Variants in MAB21L3 observed in about 807,000 individuals in gnomAD.
The protein encoded by MAB21L3 is protein mab-21-like 3.
A neutral mutation model predicts 37.7 loss-of-function variants in MAB21L3; 36 were observed. That is an observed-to-expected ratio of 0.96 (90% CI 0.73 to 1.26). The LOEUF is 1.26. MAB21L3 is among the 50% of genes most tolerant of loss of function. MAB21L3 has a pLI of 0.00. For synonymous variants in MAB21L3, 186 were observed against 176.8 expected, an observed-to-expected ratio of 1.05 and a Z score of -0.41; for missense variants, 430 against 447.3, an observed-to-expected ratio of 0.96 and a Z score of 0.35.
At chr1:116,112,762 C>A in intron 3 of MAB21L3, 99 bp downstream of exon 3, 1 of 1,148,708 alleles carries the variant, frequency 8.7e-7, no homozygotes, top group Non-Finnish European at 1.3e-6. Flanking sequence ...TTTCTAAAGA[C>A]ACATAAAATG....
chr1:116,128,438 G>T (rs541847824), intron 7 of MAB21L3, 99 bp downstream of exon 7: 15 of 1,188,252 alleles, frequency 1.3e-5, no homozygotes, highest in African/African-American at 1.2e-4. Flanking sequence ...CTCAGAAGGG[G>T]TAGCATGTGT....
rs1490472925 is a variant in MAB21L3 at position 116,111,699 on chromosome 1, C to G, written c.-321C>G. 1 of 151,886 alleles carries G rather than the reference C, an allele frequency of 6.6e-6. No individual in the cohort carries two copies. The highest frequency in any genetic ancestry group is 1.5e-5 in the Non-Finnish European group (1 of 67,992). 9.4% of individuals were successfully genotyped at this position (151,886 alleles called of 1,614,324 possible). A position where few individuals can be genotyped will look rare whatever the true frequency, so the allele number is the denominator to read the frequency against. ...TGTTTTCCAACATAAGTTTTGCTGGCAAAACCAGACGTGAGTGTTCCCTCG... is the reference window on the plus strand; with the variant it reads ...TGTTTTCCAACATAAGTTTTGCTGGGAAAACCAGACGTGAGTGTTCCCTCG... On this transcript the variant is annotated 5_prime_UTR_variant, in exon 2 of 8. Transcript: ENST00000369500.
intron 5 of MAB21L3, among the ~76,000 whole-genome samples, chr1:116,125,245 G>C (rs992508581): frequency 6.6e-6 from 1 of 152,122 alleles, no homozygotes; most frequent in African/African-American, 2.4e-5. Context: ...GTGTAAATTG[G>C]TGTCTCCTTT....
intron 5 of MAB21L3, among the ~76,000 whole-genome samples, chr1:116,126,345 T>TG (rs1432581498): frequency 6.6e-6 from 1 of 152,184 alleles, no homozygotes; most frequent in Non-Finnish European, 1.5e-5. Flanking sequence ...AACTACTAGA[T>TG]GCGTTAGTTT....
chr1:116,132,775 G>C (rs1309603242), intron 7 of MAB21L3, among the ~76,000 whole-genome samples: 2 of 152,204 alleles, frequency 1.3e-5, no homozygotes, highest in Non-Finnish European at 2.9e-5. Flanking sequence ...ACAGGCAGAA[G>C]AGGCAGAAGC....
rs1223358078 is a variant in MAB21L3 at position 116,136,669 on chromosome 1, C to G, written c.*3304C>G. ...CAAAAAAGAGCCTGCATTGCCAAGT[C>G]AATTCTAAGCCAAAAGAACAAAGCT... On this transcript the variant is annotated 3_prime_UTR_variant, in exon 8 of 8. Coordinates refer to ENST00000369500, the MANE Select transcript of MAB21L3 (RefSeq NM_152367.3). Among the ~76,000 whole-genome samples the G allele has an allele frequency of 6.6e-6, 1 of 152,210 alleles. No individual in the cohort carries two copies. The highest frequency in any genetic ancestry group is 2.4e-5 in the African/African-American group (1 of 41,452).
chr1:116,129,172 G>A (rs1659995414), intron 7 of MAB21L3, among the ~76,000 whole-genome samples: 1 of 152,228 alleles, frequency 6.6e-6, no homozygotes, highest in Non-Finnish European at 1.5e-5. Context: ...AGGAAGCACT[G>A]GAAAGGGAGG....
In MAB21L3 at chr1:116,127,995, G is replaced by A. The variant is rs529517433; in HGVS notation, c.661-150G>A. On this transcript the variant is annotated intron_variant, in intron 6 of 7. Transcript: ENST00000369500. ...CTGTCCACATCCAAGGTGGCTTGTGGTCTCCCTGGCACCCCCTTCTCATCC... is the reference window on the plus strand; with the variant it reads ...CTGTCCACATCCAAGGTGGCTTGTGATCTCCCTGGCACCCCCTTCTCATCC... 4.0e-4 allele frequency: 313 copies of A among 789,850 alleles called. 1 individual carries two copies. The highest frequency in any genetic ancestry group is 5.3e-4 in the Non-Finnish European group (272 of 509,256). The allele number at this position is 789,850 out of a possible 1,614,324, so 48.9% of individuals were successfully genotyped here.
At chr1:116,127,115 CTTTTTATTCTATGGCTTTTACT>C (rs1659929284) in intron 5 of MAB21L3, among the ~76,000 whole-genome samples, 1 of 152,126 alleles carries the variant, frequency 6.6e-6, no homozygotes, top group South Asian at 2.1e-4. Flanking sequence ...TACACTTTTT[CTTTTTATTCTATGGCTTTTACT>C]TTCAGTTGAT....
At chr1:116,123,282 T>A (rs1238255352) in intron 4 of MAB21L3, among the ~76,000 whole-genome samples, 1 of 152,216 alleles carries the variant, frequency 6.6e-6, no homozygotes, top group African/African-American at 2.4e-5. Context: ...TCTGATTGTT[T>A]GCTTTTTTCT....
At chr1:116,126,563 G>A (rs78773316) in intron 5 of MAB21L3, among the ~76,000 whole-genome samples, 186 of 152,260 alleles carry the variant, frequency 1.2e-3, no homozygotes, top group Non-Finnish European at 2.2e-3. Context: ...TAAAAGAAAG[G>A]TGAAGCCAAA....
At chr1:116,128,506 A>G (rs1659974910) in intron 7 of MAB21L3, among the ~76,000 whole-genome samples, 167 bp downstream of exon 7, 2 of 152,154 alleles carry the variant, frequency 1.3e-5, no homozygotes, top group Admixed American at 1.3e-4. Context: ...ATTACTACGT[A>G]TTATGGAAAT....
chr1:116,132,756 A>T (rs192340355), intron 7 of MAB21L3, among the ~76,000 whole-genome samples: 2 of 152,212 alleles, frequency 1.3e-5, no homozygotes, highest in Admixed American at 1.3e-4. Context: ...CTGTGGAGGG[A>T]TCAGCCCCAC....
intron 3 of MAB21L3, among the ~76,000 whole-genome samples, chr1:116,112,902 TG>T (rs1659470418): frequency 1.3e-5 from 2 of 152,148 alleles, no homozygotes; most frequent in South Asian, 4.1e-4. Context: ...AGTAGGAATC[TG>T]GGGAATGAGG....
chr1:116,113,855 G>A (rs573528116), intron 3 of MAB21L3, among the ~76,000 whole-genome samples: 1 of 152,284 alleles, frequency 6.6e-6, no homozygotes, highest in South Asian at 2.1e-4. Flanking sequence ...TTCTCAGGAG[G>A]CTGATCCTGT....
At chr1:116,127,161 A>C (rs1338162955) in intron 5 of MAB21L3, among the ~76,000 whole-genome samples, 1 of 151,764 alleles carries the variant, frequency 6.6e-6, no homozygotes. Context: ...CCTGAAAAGA[A>C]TCTATTAATT....
chr1:116,111,576 T>A (rs1659424204), intron 1 of MAB21L3, among the ~76,000 whole-genome samples, 53 bp from the exon 2 acceptor site: 1 of 152,040 alleles, frequency 6.6e-6, no homozygotes, highest in East Asian at 1.9e-4. Flanking sequence ...CCGTGATGTT[T>A]ACCAGCTTCA....
chr1:116,128,057 C>T, intron 6 of MAB21L3, 88 bp from the exon 7 acceptor site: 1 of 1,404,030 alleles, frequency 7.1e-7, no homozygotes, highest in Non-Finnish European at 9.7e-7. Context: ...TGACAAGTTC[C>T]CCAGACCAGC....
chr1:116,128,939 A>G (rs906674733), intron 7 of MAB21L3, among the ~76,000 whole-genome samples: 1 of 152,130 alleles, frequency 6.6e-6, no homozygotes, highest in African/African-American at 2.4e-5. Context: ...CCCTAAACCC[A>G]ACAGTACACA....
Sources: gnomAD v4.1 joint callset for allele counts (sites outside exome capture counted in the v4.1 genomes callset) on GRCh38, gnomAD v4.1.1 for gene constraint, MANE v1.5 for transcripts, NCBI Gene and HGNC (gene_info 2026-07-23, HGNC 2026-07-21) for gene names.